The following KCNN2 variants were observed in gnomAD, a reference collection of about 807,000 sequenced individuals.
KCNN2 encodes the protein small conductance calcium-activated potassium channel protein 2.
KCNN2 carries 24 observed loss-of-function variants against 55.5 expected under a neutral mutation model. The ratio of observed to expected loss-of-function variants is 0.43; its 90% CI spans 0.31 to 0.61. The LOEUF is 0.61. Among genes scored for constraint, KCNN2 ranks in the 20% least tolerant of loss-of-function variants. KCNN2 has a pLI of 0.08. For synonymous variants in KCNN2, 431 were observed against 336.1 expected (o/e 1.28, Z -3.09); for missense variants, 754 against 853.6 (o/e 0.88, Z 1.45).
intron 2 of KCNN2, among the ~76,000 whole-genome samples, chr5:114,386,137 G>T (rs956638193): frequency 6.7e-6 from 1 of 149,684 alleles, no homozygotes. Context: ...AGCCGAGGTC[G>T]TGCCACTGCA....
intron 2 of KCNN2, among the ~76,000 whole-genome samples, chr5:114,368,480 G>C (rs940435784): frequency 6.6e-6 from 1 of 152,126 alleles, no homozygotes; most frequent in African/African-American, 2.4e-5. Flanking sequence ...ACCTGGACTA[G>C]TTGGGGAGGG....
intron 2 of KCNN2, among the ~76,000 whole-genome samples, chr5:114,369,708 A>C (rs1483085913): frequency 6.6e-6 from 1 of 152,158 alleles, no homozygotes; most frequent in African/African-American, 2.4e-5. Flanking sequence ...ACTCAGGACT[A>C]ATTTTCTCCG....
intron 2 of KCNN2, among the ~76,000 whole-genome samples, chr5:114,255,545 C>A (rs751709625): frequency 6.6e-5 from 10 of 152,072 alleles, no homozygotes; most frequent in Non-Finnish European, 1.3e-4. Context: ...TAGGCAGGAG[C>A]CAGATAAGGC....
At chr5:114,189,487 A>G (rs73779741) in intron 1 of KCNN2, among the ~76,000 whole-genome samples, 3,798 of 152,262 alleles carry the variant, frequency 0.025, 146 homozygotes, top group African/African-American at 0.086. Context: ...TTGTCCAAAA[A>G]CAGCTTCACA....
intron 1 of KCNN2, among the ~76,000 whole-genome samples, chr5:114,168,200 CA>C (rs1046493258): frequency 7.9e-5 from 12 of 151,168 alleles, no homozygotes; most frequent in Non-Finnish European, 1.5e-4. Flanking sequence ...CACACACACA[CA>C]ACATCTAGGT....
intron 2 of KCNN2, among the ~76,000 whole-genome samples, chr5:114,351,772 A>G (rs58444912): frequency 0.043 from 6,568 of 151,350 alleles, 494 homozygotes; most frequent in African/African-American, 0.15. Flanking sequence ...AATTAATTTT[A>G]TAACACTAAA....
intron 2 of KCNN2, among the ~76,000 whole-genome samples, chr5:114,295,398 C>T (rs1056439945): frequency 6.6e-5 from 10 of 152,196 alleles, no homozygotes; most frequent in African/African-American, 2.2e-4. Context: ...CGAGCCTGGG[C>T]AATGGCAGGC....
intron 2 of KCNN2, among the ~76,000 whole-genome samples, chr5:114,337,864 G>A (rs1285277313): frequency 6.6e-6 from 1 of 152,006 alleles, no homozygotes; most frequent in Non-Finnish European, 1.5e-5. Context: ...AGTTTTTAAC[G>A]TTTTTGCCTT....
chr5:114,486,896 G>C lies in KCNN2; in HGVS notation c.1891-154G>C, dbSNP rs866689917. On this transcript the variant is annotated intron_variant, in intron 5 of 7. Transcript: ENST00000673685. ...AGGCAGGTACAAGTACTTCTAAAAAGGCATAGATTAAAGAAAAATGGTATT... is the reference window on the plus strand; with the variant it reads ...AGGCAGGTACAAGTACTTCTAAAAACGCATAGATTAAAGAAAAATGGTATT... 2.6e-6 allele frequency: 3 copies of C among 1,145,352 alleles called. No homozygotes were observed. In the South Asian group the frequency reaches 4.3e-5, roughly 16 times the overall value. 70.9% of individuals were successfully genotyped at this position (1,145,352 alleles called of 1,614,324 possible).
intron 1 of KCNN2, among the ~76,000 whole-genome samples, chr5:114,060,241 A>C (rs1221880073): frequency 6.6e-6 from 1 of 152,200 alleles, no homozygotes. Context: ...GCCCTGCTAC[A>C]TTTGGGCTTG....
At chr5:114,217,847 C>T (rs1459946219) in intron 1 of KCNN2, among the ~76,000 whole-genome samples, 2 of 151,988 alleles carry the variant, frequency 1.3e-5, no homozygotes, top group Admixed American at 1.3e-4. Flanking sequence ...TTTTAAAAGA[C>T]ACATCTGATA....
At chr5:114,303,966 G>GA (rs1756218221) in intron 2 of KCNN2, among the ~76,000 whole-genome samples, 1 of 152,156 alleles carries the variant, frequency 6.6e-6, no homozygotes, top group African/African-American at 2.4e-5. Flanking sequence ...CTTGCCCTTG[G>GA]AAAAAGTTTG....
At chr5:114,313,697 C>A (rs965139015) in intron 2 of KCNN2, among the ~76,000 whole-genome samples, 1 of 152,146 alleles carries the variant, frequency 6.6e-6, no homozygotes, top group Non-Finnish European at 1.5e-5. Context: ...TGGATAAGCA[C>A]ATTTGCAAAA....
At chr5:114,444,609 T>G (rs967518702) in intron 3 of KCNN2, among the ~76,000 whole-genome samples, 7 of 152,096 alleles carry the variant, frequency 4.6e-5, no homozygotes, top group Non-Finnish European at 1.0e-4. Flanking sequence ...ATTTGAGGGA[T>G]GAGACATAGG....
In KCNN2 at chr5:114,348,686, T is replaced by A. The variant is rs551620661; in HGVS notation, c.-184-12259T>A. Among the ~76,000 whole-genome samples the A allele has an allele frequency of 1.8e-4, 27 of 152,298 alleles. No individual in the cohort carries two copies. In the South Asian group the frequency reaches 3.3e-3, roughly 19 times the overall value. On this transcript the variant is annotated intron_variant, in intron 2 of 10. Transcript: ENST00000512097. Reference sequence around the variant, plus strand: ...ATACTATTTGGATTTACAAACTCTGTGGATAGAGACTGACAAGAAAAAATC... The same window carrying A: ...ATACTATTTGGATTTACAAACTCTGAGGATAGAGACTGACAAGAAAAAATC...
chr5:114,420,212 A>T (rs1029541876), intron 3 of KCNN2, among the ~76,000 whole-genome samples: 3 of 152,270 alleles, frequency 2.0e-5, no homozygotes, highest in African/African-American at 7.2e-5. Flanking sequence ...AAACATAGTC[A>T]TTGGACATTG....
chr5:114,193,771 C>A (rs974176284), intron 1 of KCNN2, among the ~76,000 whole-genome samples: 7 of 151,992 alleles, frequency 4.6e-5, no homozygotes, highest in Non-Finnish European at 8.8e-5. Flanking sequence ...CCCTAGAATT[C>A]AAGCTCTAGA....
rs113974740 is a variant in KCNN2, at chr5:114,481,104, A to G, written c.1891-5946A>G. Among the ~76,000 whole-genome samples, 70 of 152,232 alleles carry G rather than the reference A, an allele frequency of 4.6e-4. 3 individuals are homozygous for G. Among genetic ancestry groups the G allele is most frequent in the Middle Eastern group, 3.4e-3 (1 of 294 alleles). ...ATGATCCTTTATCTAGAAAACCCCA[A>G]CATCTCAGCCCAAAGCTTCTTAAGC... On this transcript the variant is annotated intron_variant, in intron 5 of 7. Transcript: ENST00000673685.
chr5:114,471,746 A>T (rs1370408883), intron 4 of KCNN2, among the ~76,000 whole-genome samples: 1 of 152,180 alleles, frequency 6.6e-6, no homozygotes, highest in African/African-American at 2.4e-5. Context: ...ATAGAACTAG[A>T]TGGAACAGGC....
Sources: allele counts gnomAD v4.1 joint callset (sites outside exome capture counted in the v4.1 genomes callset), GRCh38; gene constraint gnomAD v4.1.1; transcripts MANE v1.5; gene names NCBI Gene and HGNC (gene_info 2026-07-23, HGNC 2026-07-21).